METTL15: variants seen among roughly 807,000 people sequenced by gnomAD.
METTL15 encodes the protein methyltransferase 15, mitochondrial 12S rRNA N4-cytidine, also known as 12S rRNA N(4)-cytidine methyltransferase METTL15.
METTL15 carries 34 observed loss-of-function variants against 38.3 expected under a neutral mutation model. That is an observed-to-expected ratio of 0.89 (90% CI 0.68 to 1.18). The LOEUF is 1.18. Ranked by LOEUF, METTL15 falls within the 50% of genes most tolerant of loss-of-function variation. The probability of loss-of-function intolerance (pLI) is 0.00; values close to 1 mark genes in which losing one functional copy is unlikely to be tolerated. For missense variants in METTL15, 438 were observed against 498.4 expected (o/e 0.88, Z 1.15); for synonymous variants, 162 against 170.9 (o/e 0.95, Z 0.41).
intron 5 of METTL15, among the ~76,000 whole-genome samples, chr11:28,295,842 T>A (rs1197128459): frequency 6.6e-6 from 1 of 152,084 alleles, no homozygotes. Flanking sequence ...ATACCCTTGT[T>A]ACTTACAGAT....
intron 4 of METTL15, among the ~76,000 whole-genome samples, chr11:28,357,321 G>T (rs1477095168): frequency 1.3e-5 from 2 of 152,190 alleles, no homozygotes; most frequent in East Asian, 3.9e-4. Flanking sequence ...GATCCAATGA[G>T]ATAGTACATG....
intron 6 of METTL15, among the ~76,000 whole-genome samples, chr11:28,497,765 TA>T (rs1851547992): frequency 6.6e-6 from 1 of 152,058 alleles, no homozygotes; most frequent in African/African-American, 2.4e-5. Flanking sequence ...ACCTCTCTTA[TA>T]GGGGTATTAA....
At chr11:28,143,479 A>G (rs1259190273) in intron 3 of METTL15, among the ~76,000 whole-genome samples, 1 of 152,088 alleles carries the variant, frequency 6.6e-6, no homozygotes, top group Non-Finnish European at 1.5e-5. Context: ...AAACTACTGA[A>G]GAAGCTACCC....
At chr11:28,284,541 A>G (rs1402473294) in intron 4 of METTL15, among the ~76,000 whole-genome samples, 4 of 152,326 alleles carry the variant, frequency 2.6e-5, no homozygotes, top group Middle Eastern at 3.4e-3. Flanking sequence ...AAAATGCATA[A>G]GACAAAAATT....
At chr11:28,183,139 A>C (rs533892708) in intron 3 of METTL15, among the ~76,000 whole-genome samples, 4 of 152,112 alleles carry the variant, frequency 2.6e-5, no homozygotes, top group Admixed American at 2.6e-4. Flanking sequence ...GTTGCTTATC[A>C]GTTTAAGGAG....
At chr11:28,126,492 T>A (rs922741064) in intron 3 of METTL15, among the ~76,000 whole-genome samples, 1 of 151,976 alleles carries the variant, frequency 6.6e-6, no homozygotes, top group Non-Finnish European at 1.5e-5. Context: ...TAAATATTTG[T>A]TGAAATAATT....
intron 6 of METTL15, among the ~76,000 whole-genome samples, chr11:28,515,534 G>A (rs923426587): frequency 4.6e-5 from 7 of 152,218 alleles, no homozygotes; most frequent in African/African-American, 1.4e-4. Context: ...GGCTACATAT[G>A]GCCCTTCACC....
chr11:28,345,479 C>T (rs897847266), intron 3 of METTL15, among the ~76,000 whole-genome samples: 4 of 152,104 alleles, frequency 2.6e-5, no homozygotes, highest in African/African-American at 9.7e-5. Flanking sequence ...TGTGATCCAC[C>T]GCACCTTGCC....
At chr11:28,499,915 G>A (rs1318268269) in intron 6 of METTL15, among the ~76,000 whole-genome samples, 1 of 152,116 alleles carries the variant, frequency 6.6e-6, no homozygotes, top group Non-Finnish European at 1.5e-5. Context: ...CTTTGCTGAT[G>A]CATGTGGTAT....
intron 4 of METTL15, among the ~76,000 whole-genome samples, chr11:28,215,291 G>A (rs890451599): frequency 1.3e-5 from 2 of 152,102 alleles, no homozygotes; most frequent in Non-Finnish European, 2.9e-5. Context: ...AATATTTTAG[G>A]CTTTGAAGCT....
chr11:28,253,302 TTTTG>T (rs559251178), intron 4 of METTL15, among the ~76,000 whole-genome samples: 71 of 152,292 alleles, frequency 4.7e-4, no homozygotes, highest in Middle Eastern at 3.4e-3. Context: ...CAAGTCATTC[TTTTG>T]TTTGTTTGTT....
chr11:28,247,401 T>G (rs913388914), intron 4 of METTL15, among the ~76,000 whole-genome samples: 11 of 152,092 alleles, frequency 7.2e-5, no homozygotes, highest in Admixed American at 5.3e-4. Flanking sequence ...TAATAACAGT[T>G]TTAATTTTGT....
At chr11:28,138,599 G>T (rs1849592361) in intron 3 of METTL15, among the ~76,000 whole-genome samples, 1 of 152,174 alleles carries the variant, frequency 6.6e-6, no homozygotes, top group African/African-American at 2.4e-5. Context: ...ATTTAAGAAA[G>T]AAAGCTAGAA....
intron 4 of METTL15, among the ~76,000 whole-genome samples, chr11:28,259,490 A>G (rs1208926905): frequency 6.6e-6 from 1 of 152,110 alleles, no homozygotes; most frequent in Non-Finnish European, 1.5e-5. Flanking sequence ...CTGCCTTTCA[A>G]GTTCATGTAG....
chr11:28,141,716 A>G (rs1014239055), intron 3 of METTL15, among the ~76,000 whole-genome samples: 1 of 152,048 alleles, frequency 6.6e-6, no homozygotes, highest in African/African-American at 2.4e-5. Context: ...ATAAAATAAG[A>G]TAAAATAAAA....
chr11:28,386,804 T>A (rs1350654161), intron 5 of METTL15, among the ~76,000 whole-genome samples: 4 of 151,980 alleles, frequency 2.6e-5, no homozygotes, highest in African/African-American at 9.7e-5. Flanking sequence ...AGATTCCGTG[T>A]TAGATCACAA....
chr11:28,350,288 G>C (rs1181018756), intron 3 of METTL15, among the ~76,000 whole-genome samples: 1 of 152,096 alleles, frequency 6.6e-6, no homozygotes, highest in Non-Finnish European at 1.5e-5. Context: ...CCATTGATTT[G>C]CAAGAGGATA....
intron 5 of METTL15, among the ~76,000 whole-genome samples, chr11:28,420,103 G>A (rs1157323135): frequency 6.6e-6 from 1 of 152,118 alleles, no homozygotes; most frequent in African/African-American, 2.4e-5. Context: ...AAGTTAGAAA[G>A]TTTATTTAAA....
intron 4 of METTL15, among the ~76,000 whole-genome samples, chr11:28,235,657 G>A (rs1361236735): frequency 5.3e-5 from 8 of 152,118 alleles, no homozygotes; most frequent in African/African-American, 1.7e-4. Context: ...CATTGATTTT[G>A]TATCCTGAGA....
Sources: gnomAD v4.1 joint callset for allele counts (sites outside exome capture counted in the v4.1 genomes callset) on GRCh38, gnomAD v4.1.1 for gene constraint, MANE v1.5 for transcripts, NCBI Gene and HGNC (gene_info 2026-07-23, HGNC 2026-07-21) for gene names.